Variants in WDPCP observed in about 807,000 individuals in gnomAD.
WDPCP encodes the protein WD repeat-containing and planar cell polarity effector protein fritz homolog.
WDPCP carries 71 observed loss-of-function variants against 93.1 expected under a neutral mutation model. The ratio of observed to expected loss-of-function variants is 0.76; its 90% CI spans 0.63 to 0.93. The LOEUF (loss-of-function observed/expected upper bound fraction) is 0.93. WDPCP is among the 40% of genes least tolerant of loss of function. WDPCP has a pLI of 0.00. For synonymous variants in WDPCP, 315 were observed against 315.0 expected (o/e 1.00, Z 0.00); for missense variants, 844 against 887.4 (o/e 0.95, Z 0.62).
chr2:63,409,207 TGG>T (rs1694835079), intron 9 of WDPCP, among the ~76,000 whole-genome samples: 1 of 152,138 alleles, frequency 6.6e-6, no homozygotes, highest in African/African-American at 2.4e-5. Flanking sequence ...GACCCACAGA[TGG>T]TTCACATCAC....
At chr2:63,347,825 C>G (rs1263911393) in intron 12 of WDPCP, among the ~76,000 whole-genome samples, 1 of 151,926 alleles carries the variant, frequency 6.6e-6, no homozygotes. Context: ...TGCCAGCCCC[C>G]TCTTTGACTT....
intron 14 of WDPCP, among the ~76,000 whole-genome samples, chr2:63,253,853 C>T (rs1299543462): frequency 6.6e-6 from 1 of 152,062 alleles, no homozygotes; most frequent in East Asian, 1.9e-4. Flanking sequence ...TGAGAACTAT[C>T]ATTCAACCCG....
chr2:63,541,319 T>C (rs1254901387), intron 1 of WDPCP, among the ~76,000 whole-genome samples: 4 of 152,156 alleles, frequency 2.6e-5, no homozygotes, highest in East Asian at 1.9e-4. Context: ...CTTTGTTTTT[T>C]TCAAAACTGC....
At chr2:63,706,284 A>G (rs1449596853) in intron 2 of WDPCP, among the ~76,000 whole-genome samples, 1 of 152,214 alleles carries the variant, frequency 6.6e-6, no homozygotes, top group East Asian at 1.9e-4. Context: ...TGGAGCATTT[A>G]GCCCATTTAC....
chr2:63,625,013 G>C (rs1044364688), intron 3 of WDPCP, among the ~76,000 whole-genome samples: 30 of 152,206 alleles, frequency 2.0e-4, no homozygotes, highest in African/African-American at 6.3e-4. Context: ...GGGACACAAG[G>C]CTGGTTCCAC....
At chr2:63,317,574 AT>A (rs1406361936) in intron 12 of WDPCP, among the ~76,000 whole-genome samples, 1 of 152,178 alleles carries the variant, frequency 6.6e-6, no homozygotes, top group Non-Finnish European at 1.5e-5. Context: ...ACATAAACCA[AT>A]AAAACAGATT....
chr2:63,283,281 A>T (rs1396045104), intron 13 of WDPCP, among the ~76,000 whole-genome samples: 1 of 152,202 alleles, frequency 6.6e-6, no homozygotes, highest in East Asian at 1.9e-4. Flanking sequence ...GGGCTCAAGC[A>T]ATCCGCCTGC....
At chr2:63,163,023 G>T (rs1672739061) in intron 15 of WDPCP, among the ~76,000 whole-genome samples, 1 of 152,132 alleles carries the variant, frequency 6.6e-6, no homozygotes, top group Non-Finnish European at 1.5e-5. Context: ...CCATAAAAGA[G>T]CTGTGAATCT....
intron 8 of WDPCP, among the ~76,000 whole-genome samples, chr2:63,437,189 T>C (rs1697191921): frequency 6.6e-6 from 1 of 151,996 alleles, no homozygotes; most frequent in Non-Finnish European, 1.5e-5. Flanking sequence ...TGTCTATAAA[T>C]ACTATATAAA....
chr2:63,329,292 T>C (rs11125963), intron 12 of WDPCP, among the ~76,000 whole-genome samples: 83,552 of 151,534 alleles, frequency 0.55, 23,315 homozygotes, highest in Admixed American at 0.63. Flanking sequence ...CATATTTGTC[T>C]GCTGTTCCTG....
intron 2 of WDPCP, among the ~76,000 whole-genome samples, chr2:63,753,113 G>A (rs577697231): frequency 7.4e-4 from 113 of 152,038 alleles, no homozygotes; most frequent in African/African-American, 2.2e-3. Context: ...GTGTTAGTCC[G>A]TTCTTGCACT....
At chr2:63,351,065 T>C (rs1489723076) in intron 12 of WDPCP, among the ~76,000 whole-genome samples, 2 of 151,986 alleles carry the variant, frequency 1.3e-5, no homozygotes, top group Admixed American at 6.6e-5. Context: ...CACTGCAACC[T>C]CCACCTCCTG....
chr2:63,840,574 A>G, the WDPCP span, among the ~76,000 whole-genome samples: 24,731 of 152,090 alleles, frequency 0.16, 2,393 homozygotes, highest in East Asian at 0.26. Flanking sequence ...CCCTCCCCCA[A>G]CCAGATGTGA....
intron 1 of WDPCP, among the ~76,000 whole-genome samples, chr2:63,494,492 T>C (rs1395122580): frequency 6.6e-6 from 1 of 152,112 alleles, no homozygotes; most frequent in Non-Finnish European, 1.5e-5. Flanking sequence ...AGTGGTCACA[T>C]AGCTAGCAGG....
chr2:63,160,798 G>C (rs1672594000), intron 15 of WDPCP, among the ~76,000 whole-genome samples: 1 of 152,122 alleles, frequency 6.6e-6, no homozygotes, highest in Non-Finnish European at 1.5e-5. Context: ...TCAGGTGAAA[G>C]GTTGATGGGG....
At chr2:63,354,757 C>T (rs1048371982) in intron 12 of WDPCP, among the ~76,000 whole-genome samples, 1 of 151,850 alleles carries the variant, frequency 6.6e-6, no homozygotes. Flanking sequence ...TAAAACCTAA[C>T]AGGTCTGACA....
At chr2:63,299,631 G>C (rs965209142) in intron 13 of WDPCP, among the ~76,000 whole-genome samples, 1 of 152,308 alleles carries the variant, frequency 6.6e-6, no homozygotes, top group African/African-American at 2.4e-5. Flanking sequence ...CCAACCTGCT[G>C]TGAGGTACGG....
intron 1 of WDPCP, among the ~76,000 whole-genome samples, chr2:63,527,900 T>A (rs968402173): frequency 4.0e-5 from 6 of 151,894 alleles, no homozygotes; most frequent in African/African-American, 7.3e-5. Flanking sequence ...TGACTTTTTA[T>A]TGATCGCCAT....
At chr2:63,725,557 T>C (rs1188603249) in intron 2 of WDPCP, among the ~76,000 whole-genome samples, 1 of 152,208 alleles carries the variant, frequency 6.6e-6, no homozygotes. Flanking sequence ...TTTGGGTATA[T>C]ACCTAGTAGT....
Sources: allele counts gnomAD v4.1 joint callset (sites outside exome capture counted in the v4.1 genomes callset), GRCh38; gene constraint gnomAD v4.1.1; transcripts MANE v1.5; gene names NCBI Gene and HGNC (gene_info 2026-07-23, HGNC 2026-07-21).